Variants in PRDM16 observed in about 807,000 individuals in gnomAD.
PRDM16 encodes the protein PR/SET domain 16, also known as histone-lysine N-methyltransferase PRDM16.
A neutral mutation model predicts 110.6 loss-of-function variants in PRDM16; 23 were observed. That is an observed-to-expected ratio of 0.21 (90% CI 0.15 to 0.29). PRDM16 has a LOEUF of 0.29. Among genes scored for constraint, PRDM16 ranks in the 10% least tolerant of loss-of-function variants. The pLI is 1.00. For synonymous variants in PRDM16, 799 were observed against 781.8 expected, an observed-to-expected ratio of 1.02 and a Z score of -0.37; for missense variants, 1,615 against 1,794.3, an observed-to-expected ratio of 0.90 and a Z score of 1.81.
intron 1 of PRDM16, among the ~76,000 whole-genome samples, chr1:3,180,361 T>A (rs11587518): frequency 0.22 from 33,946 of 151,858 alleles, 3,930 homozygotes; most frequent in Admixed American, 0.29. Flanking sequence ...GAGTGGGTGT[T>A]CTTTCCACTG....
At chr1:3,096,723 G>C (rs1642409320) in intron 1 of PRDM16, among the ~76,000 whole-genome samples, 2 of 152,184 alleles carry the variant, frequency 1.3e-5, no homozygotes, top group Admixed American at 1.3e-4. Flanking sequence ...TCCGGAGCAG[G>C]GGTGGATGGT....
intron 2 of PRDM16, among the ~76,000 whole-genome samples, chr1:3,221,066 G>C (rs1639140232): frequency 6.6e-6 from 1 of 152,244 alleles, no homozygotes; most frequent in Non-Finnish European, 1.5e-5. Flanking sequence ...GGAGAGGGGG[G>C]ACGGGTTGCC....
chr1:3,293,897 C>T (rs931130359), intron 3 of PRDM16, among the ~76,000 whole-genome samples: 2 of 152,172 alleles, frequency 1.3e-5, no homozygotes, highest in South Asian at 2.1e-4. Context: ...AAGGCACCCC[C>T]GTAATCCCAG....
At chr1:3,242,719 T>G (rs1475839659) in intron 2 of PRDM16, among the ~76,000 whole-genome samples, 1 of 152,220 alleles carries the variant, frequency 6.6e-6, no homozygotes, top group Non-Finnish European at 1.5e-5. Flanking sequence ...TGCACCTTGG[T>G]AGGCACGCTG....
At position 3,298,561 on chromosome 1, in the gene PRDM16, T is replaced by C. The variant is rs925730162; in HGVS notation, c.438+54424T>C. Among the ~76,000 whole-genome samples, 18 of 152,202 alleles carry C rather than the reference T, an allele frequency of 1.2e-4. No homozygotes were observed. The East Asian group carries it at 1.9e-3, about 16-fold the overall frequency. On this transcript the variant is annotated intron_variant, in intron 3 of 16. Coordinates refer to ENST00000270722, the MANE Select transcript of PRDM16 (RefSeq NM_022114.4). The stretch of plus-strand genomic sequence containing the variant: ...GATGCCTTTGTGTCCCCACAGCACA[T>C]TGTGAGTCCTCAACAATTGTGCTAG...
At chr1:3,142,377 T>C (rs1222513877) in intron 1 of PRDM16, among the ~76,000 whole-genome samples, 2 of 152,194 alleles carry the variant, frequency 1.3e-5, no homozygotes, top group African/African-American at 2.4e-5. Context: ...CGGCCCTCCC[T>C]GGCTCCTGCC....
At chr1:3,360,600 C>T (rs1642694407) in intron 3 of PRDM16, among the ~76,000 whole-genome samples, 1 of 152,192 alleles carries the variant, frequency 6.6e-6, no homozygotes, top group Admixed American at 6.5e-5. Context: ...GACCCCCGCT[C>T]ACAGCAGAGG....
chr1:3,315,555 A>G (rs1641581885), intron 3 of PRDM16, among the ~76,000 whole-genome samples: 2 of 152,184 alleles, frequency 1.3e-5, no homozygotes, highest in African/African-American at 4.8e-5. Flanking sequence ...GAGAGGAAAC[A>G]CTTGACAAGT....
rs1047810568 is a variant in PRDM16, at chr1:3,081,365, C to T, written c.37+12069C>T. ...ACAGGTGACCCTTGTTCAAAGGGAA[C>T]GAGGGGCTGGTGGCCACGGTGGGCG... On this transcript the variant is annotated intron_variant, in intron 1 of 16. Coordinates refer to ENST00000270722, the MANE Select transcript of PRDM16 (RefSeq NM_022114.4). The surrounding 1 kb of genome is among the most constrained non-coding windows in gnomAD (Gnocchi z 4.6). Among the ~76,000 whole-genome samples, 43 of 152,302 alleles carry T rather than the reference C, an allele frequency of 2.8e-4. No individual in the cohort carries two copies. The highest frequency in any genetic ancestry group is 1.2e-3 in the Admixed American group (19 of 15,306).
chr1:3,372,849 C>T (rs1392505184), intron 3 of PRDM16, among the ~76,000 whole-genome samples: 3 of 152,286 alleles, frequency 2.0e-5, no homozygotes, highest in East Asian at 1.9e-4. Flanking sequence ...GGGCCACGGA[C>T]GGGGTTCTGG....
At chr1:3,122,678 C>A (rs57453122) in intron 1 of PRDM16, among the ~76,000 whole-genome samples, 12 of 152,130 alleles carry the variant, frequency 7.9e-5, no homozygotes, top group East Asian at 1.9e-4. Flanking sequence ...ACATTCCCCC[C>A]CTCCGTGCTG....
Position 3,365,629 on chromosome 1 carries a change from G to A in PRDM16, c.439-19523G>A, listed in dbSNP as rs147634918. Among the ~76,000 whole-genome samples, 145 of 152,330 alleles carry A rather than the reference G, an allele frequency of 9.5e-4. 1 individual carries two copies. Among genetic ancestry groups the A allele is most frequent in the African/African-American group, 3.3e-3 (139 of 41,582 alleles). ...GGGGGCTCTGTGCTAGGCAGCCAGC[G>A]GCCCTGAATGTTAGCTGCAGGCAGA... On this transcript the variant is annotated intron_variant, in intron 3 of 16. Transcript: ENST00000270722.
At position 3,335,223 on chromosome 1, in the gene PRDM16, G is replaced by A. The variant is rs142227372; in HGVS notation, c.439-49929G>A. Among the ~76,000 whole-genome samples, 27 of 152,328 alleles carry A rather than the reference G, an allele frequency of 1.8e-4. No individual in the cohort carries two copies. The East Asian group carries it at 5.0e-3, about 28-fold the overall frequency. On this transcript the variant is annotated intron_variant, in intron 3 of 16. Coordinates refer to ENST00000270722, the MANE Select transcript of PRDM16 (RefSeq NM_022114.4). Reference sequence around the variant, plus strand: ...GAGGCCTGAGAGGAAGCGTGTTTGGGGAGCTGGTGTCTGGGTGCAAAGGGA... The same window carrying A: ...GAGGCCTGAGAGGAAGCGTGTTTGGAGAGCTGGTGTCTGGGTGCAAAGGGA...
chr1:3,330,889 C>G (rs570381783), intron 3 of PRDM16, among the ~76,000 whole-genome samples: 1 of 152,380 alleles, frequency 6.6e-6, no homozygotes, highest in South Asian at 2.1e-4. Flanking sequence ...GACTTTCTCA[C>G]CTGCTGCTCT....
At chr1:3,269,854 G>C (rs1360904757) in intron 3 of PRDM16, among the ~76,000 whole-genome samples, 1 of 110,318 alleles carries the variant, frequency 9.1e-6, no homozygotes, top group South Asian at 2.6e-4. Flanking sequence ...GAAAGTCCCA[G>C]AGGAGGAAAG....
rs1276987864 is a variant in PRDM16 at position 3,438,509 on chromosome 1, C to T, written c.*4698C>T. On this transcript the variant is annotated 3_prime_UTR_variant, in exon 17 of 17. Transcript: ENST00000270722. Reference sequence around the variant, plus strand: ...CCTTAAGAGAAAGCCTAGGAGAAGCCGATTTGGAGGTTAATGCTGTAGAAT... The same window carrying T: ...CCTTAAGAGAAAGCCTAGGAGAAGCTGATTTGGAGGTTAATGCTGTAGAAT... 1.9e-5 allele frequency: 4 copies of T among 205,922 alleles called. No individual in the cohort carries two copies. The highest frequency in any genetic ancestry group is 6.0e-5 in the Admixed American group (1 of 16,746). 12.8% of individuals were successfully genotyped at this position (205,922 alleles called of 1,614,324 possible).
intron 3 of PRDM16, chr1:3,307,824 C>T (rs529877002): frequency 6.6e-6 from 1 of 152,288 alleles, no homozygotes; most frequent in Non-Finnish European, 1.5e-5. Flanking sequence ...ACTCCATCCT[C>T]CACTTATAAT....
intron 1 of PRDM16, among the ~76,000 whole-genome samples, chr1:3,151,798 G>T (rs1457147923): frequency 1.3e-5 from 2 of 152,230 alleles, no homozygotes; most frequent in African/African-American, 4.8e-5. Flanking sequence ...CTGTGGGCCG[G>T]CAGGGTCAGC....
chr1:3,145,457 C>T (rs780126619), intron 1 of PRDM16, among the ~76,000 whole-genome samples: 25 of 152,278 alleles, frequency 1.6e-4, no homozygotes, highest in Admixed American at 9.1e-4. Context: ...GAAGGAGGAA[C>T]GGGGCCTTGG....
Sources: gnomAD v4.1 joint callset for allele counts (sites outside exome capture counted in the v4.1 genomes callset) on GRCh38, gnomAD v4.1.1 for gene constraint, Gnocchi (gnomAD v3.1) non-coding constraint, MANE v1.5 for transcripts, NCBI Gene and HGNC (gene_info 2026-07-23, HGNC 2026-07-21) for gene names.